ZNF536: variants seen among roughly 807,000 people sequenced by gnomAD.
ZNF536 encodes the protein zinc finger protein 536.
A neutral mutation model predicts 84.5 loss-of-function variants in ZNF536; 13 were observed. That is an observed-to-expected ratio of 0.15 (90% CI 0.10 to 0.24). ZNF536 has a LOEUF of 0.24. Among genes scored for constraint, ZNF536 ranks in the 10% least tolerant of loss-of-function variants. The pLI is 1.00. For synonymous variants in ZNF536, 811 were observed against 742.5 expected (o/e 1.09, Z -1.50); for missense variants, 1,536 against 1,747.5 (o/e 0.88, Z 2.16).
intron 2 of ZNF536, among the ~76,000 whole-genome samples, chr19:30,312,233 G>A (rs1009274239): frequency 1.3e-5 from 2 of 152,126 alleles, no homozygotes; most frequent in African/African-American, 4.8e-5. Context: ...ATGGCGAGGT[G>A]CATGTGACCT....
intron 1 of ZNF536, among the ~76,000 whole-genome samples, chr19:30,440,342 G>T (rs986066114): frequency 6.6e-6 from 1 of 152,126 alleles, no homozygotes; most frequent in Non-Finnish European, 1.5e-5. Flanking sequence ...GTCCGATTCG[G>T]ATCGTAGGTG....
At chr19:30,616,414 A>T (rs1334122100) in intron 1 of ZNF536, among the ~76,000 whole-genome samples, 1 of 152,214 alleles carries the variant, frequency 6.6e-6, no homozygotes, top group Admixed American at 6.5e-5. Flanking sequence ...TGTGGAGATG[A>T]TCAAATATTT....
intron 1 of ZNF536, among the ~76,000 whole-genome samples, chr19:30,676,451 G>A (rs1380733649): frequency 1.3e-5 from 2 of 152,212 alleles, no homozygotes; most frequent in Non-Finnish European, 2.9e-5. Flanking sequence ...AGCATTATTT[G>A]AGAACATATC....
At chr19:30,685,763 C>T (rs913842118) in intron 1 of ZNF536, among the ~76,000 whole-genome samples, 2 of 152,182 alleles carry the variant, frequency 1.3e-5, no homozygotes, top group East Asian at 3.9e-4. Flanking sequence ...GCCGCTGCCG[C>T]CGTCCTCCCC....
At chr19:30,690,549 G>C (rs538962029) in intron 1 of ZNF536, among the ~76,000 whole-genome samples, 3 of 152,236 alleles carry the variant, frequency 2.0e-5, no homozygotes, top group South Asian at 4.2e-4. Flanking sequence ...TAATCATCAC[G>C]AACAGCTTTC....
At chr19:30,239,823 C>T (rs146238806) in intron 1 of ZNF536, among the ~76,000 whole-genome samples, 7 of 152,276 alleles carry the variant, frequency 4.6e-5, no homozygotes, top group African/African-American at 1.2e-4. Flanking sequence ...AGTCCAAATC[C>T]GTCTTGCTCC....
rs571088598 is a variant in ZNF536, at chr19:30,549,401, C to T, written c.3782C>T (p.Pro1261Leu). Residue 1261 changes from proline (P) to leucine (L), a missense_variant, in exon 4 of 5, where the codon CCG becomes CTG. Transcript: ENST00000355537. ...CGGGGGCCCCAGAGCCTGGACAAGC[C>T]GATGAACATGCTGTCGGTCCTCAGG... ...PERGPQSLDK[P>L]MNMLSVLRAY... is the part of the protein sequence containing the mutation. 5.6e-6 allele frequency: 9 copies of T among 1,594,286 alleles called. No individual in the cohort carries two copies. The highest frequency in any genetic ancestry group is 1.3e-5 in the African/African-American group (1 of 74,364).
rs35687647 is a variant in ZNF536 at position 30,263,881 on chromosome 19, T to TAC, written c.-189-20170_-189-20169dup. Among the ~76,000 whole-genome samples, 1,019 of 148,080 alleles carry TAC rather than the reference T, an allele frequency of 6.9e-3. 6 individuals carry two copies. The highest frequency in any genetic ancestry group is 0.016 in the African/African-American group (630 of 40,620). ...TGAAATTTAAACACACACACACACATACACACACACACACACACACACCCT... is the reference window on the plus strand; with the variant it reads ...TGAAATTTAAACACACACACACACATACACACACACACACACACACACACCCT... On this transcript the variant is annotated intron_variant, in intron 1 of 5. Coordinates refer to the ZNF536 transcript ENST00000585628.
At chr19:30,248,883 G>A (rs575895061) in intron 1 of ZNF536, among the ~76,000 whole-genome samples, 1 of 152,068 alleles carries the variant, frequency 6.6e-6, no homozygotes, top group Non-Finnish European at 1.5e-5. Context: ...CAGAAGTTGG[G>A]TGACATTTTA....
At chr19:30,332,571 C>T (rs2047248552) in intron 2 of ZNF536, among the ~76,000 whole-genome samples, 1 of 152,150 alleles carries the variant, frequency 6.6e-6, no homozygotes, top group African/African-American at 2.4e-5. Flanking sequence ...GCCGTTGTTC[C>T]ACCTCCCTAT....
At chr19:30,594,402 C>G (rs2047377448) in intron 1 of ZNF536, among the ~76,000 whole-genome samples, 1 of 152,166 alleles carries the variant, frequency 6.6e-6, no homozygotes, top group Admixed American at 6.5e-5. Context: ...AGTCAGGCCA[C>G]AGGTCCTCCC....
chr19:30,234,960 G>C (rs1453384128), intron 1 of ZNF536, among the ~76,000 whole-genome samples: 1 of 152,148 alleles, frequency 6.6e-6, no homozygotes, highest in Non-Finnish European at 1.5e-5. Flanking sequence ...GTACCAGATC[G>C]TAGGACCCTC....
chr19:30,641,609 G>A (rs1030781254), intron 1 of ZNF536, among the ~76,000 whole-genome samples: 10 of 152,204 alleles, frequency 6.6e-5, no homozygotes, highest in African/African-American at 1.9e-4. Flanking sequence ...GAACATAAAG[G>A]CAGCTCCTCT....
chr19:30,488,671 C>G (rs1386372347), intron 2 of ZNF536, among the ~76,000 whole-genome samples: 1 of 151,816 alleles, frequency 6.6e-6, no homozygotes, highest in Non-Finnish European at 1.5e-5. Context: ...AAAAGGAAAG[C>G]AAGCCAGGGG....
At chr19:30,627,093 G>A (rs1476469539) in intron 1 of ZNF536, among the ~76,000 whole-genome samples, 1 of 152,094 alleles carries the variant, frequency 6.6e-6, no homozygotes, top group African/African-American at 2.4e-5. Flanking sequence ...AAGCTGAAGG[G>A]TGCCCCTTGC....
chr19:30,639,213 T>C (rs537128835), intron 1 of ZNF536, among the ~76,000 whole-genome samples: 159 of 152,304 alleles, frequency 1.0e-3, no homozygotes, highest in African/African-American at 3.8e-3. Context: ...AACTGCCAAA[T>C]AGGAATGTAA....
At chr19:30,433,528 G>A (rs976873513) in intron 1 of ZNF536, among the ~76,000 whole-genome samples, 1 of 152,214 alleles carries the variant, frequency 6.6e-6, no homozygotes. Flanking sequence ...ACAGAGTTCC[G>A]CTCTTGTTGC....
At chr19:30,309,014 G>A (rs1475249335) in intron 2 of ZNF536, among the ~76,000 whole-genome samples, 2 of 152,130 alleles carry the variant, frequency 1.3e-5, no homozygotes, top group African/African-American at 2.4e-5. Context: ...CTGAGAAGAA[G>A]AGTCCTCAGG....
chr19:30,623,039 T>G (rs1253409965), intron 1 of ZNF536, among the ~76,000 whole-genome samples: 1 of 142,960 alleles, frequency 7.0e-6, no homozygotes, highest in African/African-American at 2.7e-5. Flanking sequence ...TTTGTTTTTT[T>G]GTTTTTTTGT....
Sources: allele counts gnomAD v4.1 joint callset (sites outside exome capture counted in the v4.1 genomes callset), GRCh38; gene constraint gnomAD v4.1.1; transcripts MANE v1.5; gene names NCBI Gene and HGNC (gene_info 2026-07-23, HGNC 2026-07-21).